MGRN1: variants seen among roughly 807,000 people sequenced by gnomAD.
The protein encoded by MGRN1 is mahogunin ring finger 1, also known as E3 ubiquitin-protein ligase MGRN1.
MGRN1 carries 29 observed loss-of-function variants against 69.2 expected under a neutral mutation model. The ratio of observed to expected loss-of-function variants is 0.42; its 90% CI spans 0.31 to 0.57. MGRN1 has a LOEUF of 0.57. Among genes scored for constraint, MGRN1 ranks in the 20% least tolerant of loss-of-function variants. The pLI is 0.15. For synonymous variants in MGRN1, 470 were observed against 344.2 expected, an observed-to-expected ratio of 1.37 and a Z score of -4.04; for missense variants, 998 against 796.2, an observed-to-expected ratio of 1.25 and a Z score of -3.05.
intron 1 of MGRN1, among the ~76,000 whole-genome samples, chr16:4,627,592 C>A (rs566409781): frequency 6.6e-6 from 1 of 151,812 alleles, no homozygotes; most frequent in East Asian, 1.9e-4. Flanking sequence ...TGGAGACCAT[C>A]CTGGCTAACA....
intron 5 of MGRN1, among the ~76,000 whole-genome samples, chr16:4,663,133 G>A (rs1315348526): frequency 1.3e-5 from 2 of 151,896 alleles, no homozygotes; most frequent in Non-Finnish European, 1.5e-5. Context: ...GTGTGATCTC[G>A]GCTCACTGCA....
intron 1 of MGRN1, among the ~76,000 whole-genome samples, chr16:4,644,317 T>TG (rs1447171949): frequency 6.8e-5 from 10 of 148,118 alleles, no homozygotes; most frequent in Admixed American, 4.1e-4. Context: ...TTTTTTTTTT[T>TG]TTTTTTTTTG....
At chr16:4,637,639 G>T (rs535716028) in intron 1 of MGRN1, among the ~76,000 whole-genome samples, 1 of 152,360 alleles carries the variant, frequency 6.6e-6, no homozygotes, top group East Asian at 1.9e-4. Context: ...AGTGGAAGCT[G>T]CGGGAACCCA....
At position 4,652,101 on chromosome 16, in the gene MGRN1, T is replaced by A. The variant is rs199820968; in HGVS notation, c.296+50T>A. Reference sequence around the variant, plus strand: ...CCCTGTGGCTCTGTGGGGCGCAGCCTGTGGTGGAGGTTCTGGCTTGATGCT... The same window carrying A: ...CCCTGTGGCTCTGTGGGGCGCAGCCAGTGGTGGAGGTTCTGGCTTGATGCT... On this transcript the variant is annotated intron_variant, in intron 3 of 16. Coordinates refer to ENST00000262370, the MANE Select transcript of MGRN1 (RefSeq NM_015246.4). 46 of 1,567,966 alleles carry A rather than the reference T, an allele frequency of 2.9e-5. No homozygotes were observed. The African/African-American group carries it at 5.8e-4, about 20-fold the overall frequency.
intron 16 of MGRN1, chr16:4,687,576 A>AAAACACACACACACACACACACACACAC (rs143598980): frequency 1.3e-6 from 1 of 748,568 alleles, no homozygotes; most frequent in Admixed American, 1.9e-4. Flanking sequence ...AGAAAAAAAA[A>AAAACACACACACACACACACACACACAC]ATACACACAC....
intron 4 of MGRN1, among the ~76,000 whole-genome samples, chr16:4,654,440 G>A (rs1374872129): frequency 1.3e-5 from 2 of 152,250 alleles, no homozygotes; most frequent in Non-Finnish European, 2.9e-5. Flanking sequence ...TTTGAAAACT[G>A]CAACTTCAGC....
chr16:4,626,649 C>T (rs1007429395), intron 1 of MGRN1, among the ~76,000 whole-genome samples: 1 of 152,234 alleles, frequency 6.6e-6, no homozygotes, highest in Non-Finnish European at 1.5e-5. Flanking sequence ...GTGGCACTTC[C>T]TGTCACCTGG....
chr16:4,638,020 G>A (rs1249247575), intron 1 of MGRN1, among the ~76,000 whole-genome samples: 1 of 152,232 alleles, frequency 6.6e-6, no homozygotes, highest in Non-Finnish European at 1.5e-5. Context: ...CCAGAGCCCT[G>A]TATTTAATAT....
chr16:4,664,798 T>A, intron 6 of MGRN1, 23 bp downstream of exon 6: 1 of 1,613,620 alleles, frequency 6.2e-7, no homozygotes, highest in Non-Finnish European at 8.5e-7. Flanking sequence ...TCTTCCGTCC[T>A]CCTGGGCGTG....
chr16:4,657,387 T>C (rs1414606891), intron 5 of MGRN1, 24 bp downstream of exon 5: 3 of 1,596,764 alleles, frequency 1.9e-6, no homozygotes, highest in Non-Finnish European at 2.6e-6. Context: ...GGCGGCTCCT[T>C]GCCCTTCGCT....
At chr16:4,649,450 C>T (rs1284954741) in intron 1 of MGRN1, 1 of 152,190 alleles carries the variant, frequency 6.6e-6, no homozygotes, top group East Asian at 1.9e-4. Flanking sequence ...CTTACCTCTC[C>T]CCACTCCTGG....
At chr16:4,676,240 T>G (rs1045695332) in intron 10 of MGRN1, among the ~76,000 whole-genome samples, 1 of 152,142 alleles carries the variant, frequency 6.6e-6, no homozygotes, top group Non-Finnish European at 1.5e-5. Flanking sequence ...CCAGGCTGTC[T>G]GTCGGCCTCT....
At chr16:4,661,788 T>TG (rs1192476069) in intron 5 of MGRN1, among the ~76,000 whole-genome samples, 1 of 152,240 alleles carries the variant, frequency 6.6e-6, no homozygotes, top group African/African-American at 2.4e-5. Context: ...CCTCGTGAGA[T>TG]GCGGGGCCTA....
chr16:4,675,839 A>G (rs1034560635), intron 10 of MGRN1, among the ~76,000 whole-genome samples: 6 of 152,098 alleles, frequency 3.9e-5, no homozygotes, highest in Non-Finnish European at 8.8e-5. Flanking sequence ...ACATTTCCTC[A>G]GTGAAAAGCC....
intron 1 of MGRN1, among the ~76,000 whole-genome samples, chr16:4,646,328 C>A (rs1205981516): frequency 6.6e-6 from 1 of 152,040 alleles, no homozygotes; most frequent in African/African-American, 2.4e-5. Flanking sequence ...ACTTGGGAGG[C>A]TGAGGCAGGA....
chr16:4,680,158 C>A, intron 12 of MGRN1, 61 bp downstream of exon 12: 1 of 1,515,946 alleles, frequency 6.6e-7, no homozygotes, highest in Non-Finnish European at 9.1e-7. Context: ...AAACCCACGA[C>A]AAGTAGGGGA....
intron 1 of MGRN1, chr16:4,649,734 C>T (rs1419194930): frequency 6.5e-6 from 1 of 152,904 alleles, no homozygotes; most frequent in Non-Finnish European, 1.5e-5. Flanking sequence ...GGAAACACAG[C>T]TCAGGCCACT....
rs1375588511 is a variant in MGRN1 at position 4,664,782 on chromosome 16, G to A, written c.628+7G>A. Reference sequence around the variant, plus strand: ...GTGGTGGACGAAGGAGATGGTGAGTGCGTCCTCTTCCGTCCTCCTGGGCGT... The same window carrying A: ...GTGGTGGACGAAGGAGATGGTGAGTACGTCCTCTTCCGTCCTCCTGGGCGT... On this transcript the variant is annotated splice_region_variant and intron_variant, in intron 6 of 16. Transcript: ENST00000262370. The A allele has an allele frequency of 6.2e-7, 1 of 1,614,024 alleles. No homozygotes were observed. The highest frequency in any genetic ancestry group is 1.3e-5 in the African/African-American group (1 of 74,946).
At chr16:4,635,801 A>ATT (rs34343082) in intron 1 of MGRN1, among the ~76,000 whole-genome samples, 6,412 of 125,634 alleles carry the variant, frequency 0.051, 680 homozygotes, top group African/African-American at 0.19. Context: ...CGCCCAGCTA[A>ATT]TTTTTTTTTT....
Sources: gnomAD v4.1 joint callset for allele counts (sites outside exome capture counted in the v4.1 genomes callset) on GRCh38, gnomAD v4.1.1 for gene constraint, MANE v1.5 for transcripts, NCBI Gene and HGNC (gene_info 2026-07-23, HGNC 2026-07-21) for gene names.